TLE3: variants seen among roughly 807,000 people sequenced by gnomAD.
TLE3 encodes TLE family member 3, transcriptional corepressor.
Under a neutral mutation model 93.0 loss-of-function variants are expected in TLE3, and 14 were observed. The observed-to-expected ratio is 0.15, with a 90% CI of 0.10 to 0.24. The LOEUF (loss-of-function observed/expected upper bound fraction) is 0.24, where lower values mean the gene tolerates loss of function less well. Ranked by LOEUF, TLE3 falls within the 10% of genes least tolerant of loss-of-function variation. The pLI, the probability that TLE3 is intolerant of heterozygous loss-of-function variation, is 1.00. For synonymous variants in TLE3, 451 were observed against 425.0 expected, an observed-to-expected ratio of 1.06 and a Z score of -0.75; for missense variants, 693 against 1,046.6, an observed-to-expected ratio of 0.66 and a Z score of 4.66.
At chr15:70,081,007 G>A (rs1479307984) in intron 4 of TLE3, among the ~76,000 whole-genome samples, 1 of 152,192 alleles carries the variant, frequency 6.6e-6, no homozygotes, top group Admixed American at 6.5e-5. Flanking sequence ...TGTGGACTCT[G>A]AATGCACAAT....
chr15:70,053,857 A>G (rs1296682649), intron 16 of TLE3: 1 of 159,474 alleles, frequency 6.3e-6, no homozygotes, highest in African/African-American at 2.4e-5. Context: ...TGCATGAACT[A>G]TGGGGCTGAG....
chr15:70,074,017 A>AC (rs1567025041), intron 6 of TLE3, among the ~76,000 whole-genome samples: 1 of 152,254 alleles, frequency 6.6e-6, no homozygotes, highest in Non-Finnish European at 1.5e-5. Context: ...GTACATGATG[A>AC]ATGCTCAGCC....
chr15:70,096,733 G>A (rs760299979), intron 1 of TLE3, 42 bp downstream of exon 1: 2 of 1,610,090 alleles, frequency 1.2e-6, no homozygotes, highest in Non-Finnish European at 1.7e-6. Context: ...CGTTTACCCT[G>A]CCATGATAGA....
chr15:70,080,549 C>T (rs574966937), intron 4 of TLE3, among the ~76,000 whole-genome samples: 1 of 152,322 alleles, frequency 6.6e-6, no homozygotes, highest in Non-Finnish European at 1.5e-5. Flanking sequence ...CCCTGCATCT[C>T]TGTCAAGATT....
Position 70,059,507 on chromosome 15 carries a change from C to T in TLE3, c.715-47G>A, listed in dbSNP as rs769562985. 3.8e-6 allele frequency: 6 copies of T among 1,571,378 alleles called. No individual in the cohort carries two copies. The South Asian group carries it at 5.8e-5, about 15-fold the overall frequency. On this transcript the variant is annotated intron_variant, in intron 9 of 19. Transcript: ENST00000451782. ...ACTGGTCAGTAAGAGGCCACACTTT[C>T]CCCACCCCTGACTGAGCCCAAACCA...
At chr15:70,090,116 G>A (rs934542505) in intron 4 of TLE3, among the ~76,000 whole-genome samples, 10 of 152,190 alleles carry the variant, frequency 6.6e-5, no homozygotes, top group Non-Finnish European at 1.5e-4. Context: ...GGGTCCAAAG[G>A]CAGTCTTGAG....
chr15:70,093,194 C>T (rs2142063658), intron 4 of TLE3, among the ~76,000 whole-genome samples: 1 of 152,318 alleles, frequency 6.6e-6, no homozygotes, highest in East Asian at 1.9e-4. Context: ...CATGTGCCTT[C>T]CTAAGGGACT....
intron 1 of TLE3, 42 bp from the exon 2 acceptor site, chr15:70,096,303 T>A (rs1314650455): frequency 1.3e-6 from 2 of 1,548,528 alleles, no homozygotes; most frequent in Admixed American, 2.0e-5. Flanking sequence ...GGCGGGGGCA[T>A]GAGACCGCGC....
At chr15:70,071,818 C>CA (rs2057186053) in intron 6 of TLE3, among the ~76,000 whole-genome samples, 1 of 152,190 alleles carries the variant, frequency 6.6e-6, no homozygotes, top group Admixed American at 6.5e-5. Flanking sequence ...CTGCTGGGGC[C>CA]AGGATGCCTG....
chr15:70,055,576 A>G lies in TLE3; in HGVS notation c.1329-278T>C, dbSNP rs78606718. 1.2e-3 allele frequency: 470 copies of G among 376,092 alleles called. 6 individuals are homozygous for G. In the East Asian group the frequency reaches 0.017, roughly 14 times the overall value. 23.3% of individuals were successfully genotyped at this position (376,092 alleles called of 1,614,324 possible). ...GTGTCCTGGAATGCCCTTTCCCACG[A>G]TCCATACATTCCCCCAACATGCCAA... On this transcript the variant is annotated intron_variant, in intron 14 of 19. Coordinates refer to ENST00000451782, the MANE Select transcript of TLE3 (RefSeq NM_001105192.3).
chr15:70,069,122 G>A (rs573605130), intron 6 of TLE3, among the ~76,000 whole-genome samples: 4 of 152,326 alleles, frequency 2.6e-5, no homozygotes, highest in Admixed American at 2.0e-4. Flanking sequence ...CAGAGACTGT[G>A]TCTTCTCCAT....
chr15:70,094,679 G>T, intron 3 of TLE3, 103 bp from the exon 4 acceptor site: 2 of 845,326 alleles, frequency 2.4e-6, no homozygotes. Context: ...ATACTTTTAC[G>T]ATACATTTGC....
At position 70,054,453 on chromosome 15, in the gene TLE3, T is replaced by C. The variant is rs1279982100; in HGVS notation, c.1811A>G (p.Asn604Ser). ...DGNIAVWDLHNQTLVRQFQGH... is the reference protein window; with the variant it reads ...DGNIAVWDLHSQTLVRQFQGH... The stretch of plus-strand genomic sequence containing the variant: ...GCCGGCTCACCTGACCAGGGTCTGG[T>C]TGTGCAGGTCCCAGACAGCAATGTT... The change falls in exon 16 of 20, where the codon AAC becomes AGC. Residue 604 changes from asparagine (N) to serine (S), a missense_variant. By Grantham distance (46) the Asn-to-Ser change is conservative (BLOSUM62 1). This residue lies in a region of TLE3 where 153 missense variants were observed against 379.9 expected (regional missense o/e 0.40). Transcript: ENST00000451782. 2 of 1,613,612 alleles carry C rather than the reference T, an allele frequency of 1.2e-6. No individual in the cohort carries two copies. Among genetic ancestry groups the C allele is most frequent in the Non-Finnish European group, 1.7e-6 (2 of 1,179,654 alleles).
In TLE3 at chr15:70,095,647, A is replaced by G; in HGVS notation, c.126-6T>C. ...TGTCGTACTCCACTTTGAGGCTGCG[A>G]GGGCAGGAGGAGCCGGCTCAGGCGT... On this transcript the variant is annotated splice_polypyrimidine_tract_variant and splice_region_variant and intron_variant, in intron 2 of 19. Transcript: ENST00000451782. The G allele has an allele frequency of 6.4e-7, 1 of 1,551,350 alleles. No individual in the cohort carries two copies. Among genetic ancestry groups the G allele is most frequent in the Non-Finnish European group, 8.7e-7 (1 of 1,146,860 alleles).
rs770559408 is a variant in TLE3, at chr15:70,096,921, G to C, written c.-123C>G. 522 of 1,086,258 alleles carry C rather than the reference G, an allele frequency of 4.8e-4. 2 individuals carry two copies. Among genetic ancestry groups the C allele is most frequent in the Middle Eastern group, 2.6e-3 (9 of 3,462 alleles). The allele number at this position is 1,086,258 out of a possible 1,614,324, so 67.3% of individuals were successfully genotyped here. ...CCGGGAAACCGAGAGCTCGCCCCCG[G>C]CCCCCCCAGCTCGTTCTCGCAGCGA... On this transcript the variant is annotated 5_prime_UTR_variant, in exon 1 of 20. Coordinates refer to ENST00000451782, the MANE Select transcript of TLE3 (RefSeq NM_001105192.3).
rs2057344149 is a variant in TLE3, at chr15:70,074,514, G to A, written c.372+19C>T. ...AGGGCTATACACACGGTAAGAGGCA[G>A]ATTGGGGAGTCCACGTACCCCGATG... On this transcript the variant is annotated intron_variant, in intron 6 of 19. Coordinates refer to ENST00000451782, the MANE Select transcript of TLE3 (RefSeq NM_001105192.3). 1.2e-6 allele frequency: 2 copies of A among 1,608,668 alleles called. No individual in the cohort carries two copies. Among genetic ancestry groups the A allele is most frequent in the Non-Finnish European group, 1.7e-6 (2 of 1,177,336 alleles).
chr15:70,073,129 G>A (rs534616765), intron 6 of TLE3, among the ~76,000 whole-genome samples: 20 of 152,284 alleles, frequency 1.3e-4, no homozygotes, highest in African/African-American at 4.3e-4. Flanking sequence ...CAACCATCAC[G>A]GGTCCTGACA....
At chr15:70,079,934 C>T (rs1346702896) in intron 4 of TLE3, among the ~76,000 whole-genome samples, 1 of 151,822 alleles carries the variant, frequency 6.6e-6, no homozygotes, top group African/African-American at 2.4e-5. Flanking sequence ...TTCAAGAGAG[C>T]TTAGAGAAAT....
intron 4 of TLE3, among the ~76,000 whole-genome samples, chr15:70,076,780 G>C (rs1477163256): frequency 6.6e-6 from 1 of 152,110 alleles, no homozygotes; most frequent in African/African-American, 2.4e-5. Flanking sequence ...GTGTACAGTG[G>C]TATGATTTTG....
Sources: allele counts gnomAD v4.1 joint callset (sites outside exome capture counted in the v4.1 genomes callset), GRCh38; gene constraint gnomAD v4.1.1; regional missense constraint gnomAD v4.1.1; transcripts MANE v1.5; gene names NCBI Gene and HGNC (gene_info 2026-07-23, HGNC 2026-07-21).